Variants in PGM1 observed in about 807,000 individuals in gnomAD.
PGM1 encodes phosphoglucomutase 1, also known as phosphoglucomutase-1.
In PGM1, 52 loss-of-function variants were observed where a neutral mutation model predicts 55.6. The ratio of observed to expected loss-of-function variants is 0.94; its 90% CI spans 0.75 to 1.18. The LOEUF is 1.18. Ranked by LOEUF, PGM1 falls within the 50% of genes most tolerant of loss-of-function variation. The pLI is 0.00. For synonymous variants in PGM1, 287 were observed against 271.7 expected (o/e 1.06, Z -0.55); for missense variants, 724 against 729.3 (o/e 0.99, Z 0.08).
intron 9 of PGM1, among the ~76,000 whole-genome samples, 165 bp downstream of exon 9, chr1:63,652,017 C>CA (rs1229978489): frequency 6.6e-6 from 1 of 152,204 alleles, no homozygotes; most frequent in Non-Finnish European, 1.5e-5. Context: ...GTGACTCTCA[C>CA]ATGCACTCGT....
intron 10 of PGM1, among the ~76,000 whole-genome samples, chr1:63,656,904 A>C (rs1026365565): frequency 2.0e-5 from 3 of 152,152 alleles, no homozygotes; most frequent in African/African-American, 7.2e-5. Flanking sequence ...CTAGAGATGG[A>C]ATGTACAACA....
In PGM1 at chr1:63,660,039, G is replaced by T. The variant is rs1650076717; in HGVS notation, c.*364G>T. 1.9e-5 allele frequency: 6 copies of T among 321,356 alleles called. No individual in the cohort carries two copies. The South Asian group carries it at 2.2e-4, about 12-fold the overall frequency. The allele number at this position is 321,356 out of a possible 1,614,324, so 19.9% of individuals were successfully genotyped here. On this transcript the variant is annotated 3_prime_UTR_variant, in exon 11 of 11. Coordinates refer to ENST00000371084, the MANE Select transcript of PGM1 (RefSeq NM_002633.3). ...CATCCTTAGGATGTGGCAATGAAAT[G>T]ATGGTGCAAGTTCCTTTCTCTTTTG...
At chr1:63,627,620 T>C (rs1208130550) in intron 1 of PGM1, among the ~76,000 whole-genome samples, 1 of 152,098 alleles carries the variant, frequency 6.6e-6, no homozygotes, top group Non-Finnish European at 1.5e-5. Context: ...CTTCTTACTC[T>C]TACCCCTGGC....
At chr1:63,654,543 A>C in intron 10 of PGM1, 77 bp downstream of exon 10, 1 of 1,460,118 alleles carries the variant, frequency 6.8e-7, no homozygotes, top group Non-Finnish European at 9.6e-7. Context: ...CTGTGTTTCA[A>C]TGCCCATTTC....
chr1:63,623,718 A>C, intron 1 of PGM1: 1 of 1,612,678 alleles, frequency 6.2e-7, no homozygotes. Context: ...ACTTTAATAA[A>C]TCAGCAATAG....
At chr1:63,629,863 G>C in intron 2 of PGM1, 79 bp from the exon 3 acceptor site, 3 of 1,500,356 alleles carry the variant, frequency 2.0e-6, no homozygotes, top group Non-Finnish European at 1.9e-6. Context: ...CTAGTGAAGA[G>C]GAACTGATGA....
At chr1:63,635,122 T>G in intron 5 of PGM1, 103 bp downstream of exon 5, 1 of 938,832 alleles carries the variant, frequency 1.1e-6, no homozygotes, top group Admixed American at 1.7e-5. Context: ...GAATAACTGT[T>G]AAGGATCCCT....
At chr1:63,630,576 G>A (rs1163937438) in intron 3 of PGM1, among the ~76,000 whole-genome samples, 1 of 152,164 alleles carries the variant, frequency 6.6e-6, no homozygotes, top group Non-Finnish European at 1.5e-5. Flanking sequence ...ACTCAGGTTT[G>A]AATGATTCGC....
intron 9 of PGM1, 132 bp from the exon 10 acceptor site, chr1:63,654,200 C>G: frequency 1.1e-6 from 1 of 898,542 alleles, no homozygotes. Flanking sequence ...GCAGCTGCTG[C>G]CATTTATCAA....
chr1:63,634,886 C>T lies in PGM1; in HGVS notation c.740C>T (p.Ser247Leu), dbSNP rs768202776. The T allele has an allele frequency of 5.0e-6, 8 of 1,586,462 alleles. No homozygotes were observed. Among genetic ancestry groups the T allele is most frequent in the East Asian group, 2.3e-5 (1 of 43,604 alleles). Residue 247 changes from serine to leucine, a missense_variant, in exon 5 of 11, where the codon TCG becomes TTG. By Grantham distance (145) the Ser-to-Leu change is moderately radical. Around this residue, in one of 3 missense-constraint regions of PGM1, gnomAD observed 379 missense variants for 357.5 expected, o/e 1.06. Coordinates refer to ENST00000371084, the MANE Select transcript of PGM1 (RefSeq NM_002633.3). ...GAAGAACTCGGTGCCCCTGCGAACT[C>T]GGCAGTTAACTGCGTTCCTCTGGAG... ...LCEELGAPAN[S>L]AVNCVPLEDF...
At chr1:63,631,429 C>G (rs763890266) in intron 3 of PGM1, among the ~76,000 whole-genome samples, 1 of 152,120 alleles carries the variant, frequency 6.6e-6, no homozygotes, top group Non-Finnish European at 1.5e-5. Flanking sequence ...CCTCATCTAT[C>G]AAATAGGACT....
In PGM1 at chr1:63,609,996, C is replaced by T. The variant is rs184025610; in HGVS notation, c.246+16262C>T. Among the ~76,000 whole-genome samples the T allele has an allele frequency of 3.3e-3, 506 of 152,234 alleles. 3 individuals carry two copies. The highest frequency in any genetic ancestry group is 0.011 in the African/African-American group (452 of 41,546). ...TGGCTACCTAATTTTACCACATAAC[C>T]TCAGTTCATAGTAGTGGGTTGGAAG... On this transcript the variant is annotated intron_variant, in intron 1 of 10. Transcript: ENST00000371084.
intron 1 of PGM1, chr1:63,623,302 A>G (rs1648931930): frequency 1.4e-6 from 2 of 1,459,354 alleles, no homozygotes; most frequent in Non-Finnish European, 1.8e-6. Flanking sequence ...AACAACAAGG[A>G]ATTAACCAAG....
chr1:63,599,761 A>G (rs1038014364), intron 1 of PGM1, among the ~76,000 whole-genome samples: 4 of 152,208 alleles, frequency 2.6e-5, no homozygotes, highest in Non-Finnish European at 5.9e-5. Flanking sequence ...ACTGCACTCC[A>G]GCCTTGGCGA....
At position 63,654,394 on chromosome 1, in the gene PGM1, T is replaced by C; in HGVS notation, c.1527T>C (p.Ser509=). 6.2e-7 allele frequency: 1 copy of C among 1,613,920 alleles called. No individual in the cohort carries two copies. ...RIVFRLSGTG[S]AGATIRLYID... is the part of the protein sequence containing the mutation. The stretch of plus-strand genomic sequence containing the variant: ...TCTTCCGACTGAGCGGCACTGGGAG[T>C]GCCGGGGCCACCATTCGGCTGTACA... Residue 509 remains serine (S), a synonymous_variant, in exon 10 of 11, where the codon AGT becomes AGC. Coordinates refer to ENST00000371084, the MANE Select transcript of PGM1 (RefSeq NM_002633.3).
chr1:63,618,958 G>A (rs562199151), intron 1 of PGM1, among the ~76,000 whole-genome samples: 19 of 152,282 alleles, frequency 1.2e-4, no homozygotes, highest in African/African-American at 4.3e-4. Flanking sequence ...ATGTATGAAT[G>A]ATCCCGAGTT....
chr1:63,652,944 G>A (rs1475686888), intron 9 of PGM1, among the ~76,000 whole-genome samples: 2 of 152,194 alleles, frequency 1.3e-5, no homozygotes, highest in Non-Finnish European at 2.9e-5. Context: ...TGTGGTTGAG[G>A]AAGAAAGGGG....
At chr1:63,601,901 T>G (rs1648254382) in intron 1 of PGM1, among the ~76,000 whole-genome samples, 2 of 152,198 alleles carry the variant, frequency 1.3e-5, no homozygotes, top group Admixed American at 1.3e-4. Context: ...GAATGCTAAT[T>G]AAGTCATGCC....
chr1:63,636,858 T>C (rs1197324163), intron 6 of PGM1, among the ~76,000 whole-genome samples: 1 of 152,230 alleles, frequency 6.6e-6, no homozygotes, highest in Non-Finnish European at 1.5e-5. Flanking sequence ...TCTTTTGCAG[T>C]GTGCACAGAG....
Sources: gnomAD v4.1 joint callset for allele counts (sites outside exome capture counted in the v4.1 genomes callset) on GRCh38, gnomAD v4.1.1 for gene constraint, gnomAD v4.1.1 regional missense constraint, MANE v1.5 for transcripts, NCBI Gene and HGNC (gene_info 2026-07-23, HGNC 2026-07-21) for gene names.